Variants in IGF2BP3 observed in about 807,000 individuals in gnomAD.
IGF2BP3 encodes the protein insulin-like growth factor 2 mRNA-binding protein 3.
A neutral mutation model predicts 73.8 loss-of-function variants in IGF2BP3; 9 were observed. The ratio of observed to expected loss-of-function variants is 0.12; its 90% CI spans 0.07 to 0.21. IGF2BP3 has a LOEUF of 0.21. IGF2BP3 is among the 10% of genes least tolerant of loss of function. The pLI is 1.00. For synonymous variants in IGF2BP3, 258 were observed against 256.7 expected (o/e 1.01, Z -0.05); for missense variants, 542 against 714.0 (o/e 0.76, Z 2.75).
chr7:23,422,521 C>T (rs1038736022), intron 2 of IGF2BP3, among the ~76,000 whole-genome samples: 2 of 152,270 alleles, frequency 1.3e-5, no homozygotes, highest in East Asian at 1.9e-4. Flanking sequence ...TGCCACTGTA[C>T]TCCAGCCTGG....
At chr7:23,381,575 T>C (rs1583965758) in intron 3 of IGF2BP3, among the ~76,000 whole-genome samples, 1 of 152,118 alleles carries the variant, frequency 6.6e-6, no homozygotes, top group South Asian at 2.1e-4. Context: ...AGTTAAATTT[T>C]AATTTTTTTT....
At chr7:23,427,169 G>C (rs192756845) in intron 2 of IGF2BP3, among the ~76,000 whole-genome samples, 112 of 152,262 alleles carry the variant, frequency 7.4e-4, no homozygotes, top group African/African-American at 2.6e-3. Context: ...TAGAGTACAG[G>C]AGCAGCCCAG....
At chr7:23,369,614 T>C (rs1785485887) in intron 3 of IGF2BP3, among the ~76,000 whole-genome samples, 1 of 152,058 alleles carries the variant, frequency 6.6e-6, no homozygotes, top group African/African-American at 2.4e-5. Flanking sequence ...TGATTCACTT[T>C]GACATTATGT....
intron 3 of IGF2BP3, among the ~76,000 whole-genome samples, chr7:23,386,395 C>T (rs957716235): frequency 6.6e-6 from 1 of 152,062 alleles, no homozygotes; most frequent in Non-Finnish European, 1.5e-5. Flanking sequence ...CCAGAAAGTA[C>T]GTACTCAAAA....
At chr7:23,329,812 C>G (rs1433773750) in intron 10 of IGF2BP3, among the ~76,000 whole-genome samples, 1 of 152,180 alleles carries the variant, frequency 6.6e-6, no homozygotes, top group East Asian at 1.9e-4. Context: ...GATCCAATTT[C>G]TAGAAACTAA....
intron 2 of IGF2BP3, among the ~76,000 whole-genome samples, chr7:23,424,451 C>T (rs1015951384): frequency 2.6e-5 from 4 of 151,326 alleles, no homozygotes; most frequent in South Asian, 2.1e-4. Flanking sequence ...GAGCCGAGAT[C>T]GCACCACTGC....
chr7:23,312,608 C>T lies in IGF2BP3; in HGVS notation c.1641+127G>A, dbSNP rs1392919141. ...TTTGCTAGTAGTCTCTGAAATCACC[C>T]GCTAAAAGGGAGATGAAAAGTCTTA... On this transcript the variant is annotated intron_variant, in intron 14 of 14. Transcript: ENST00000258729. The T allele has an allele frequency of 3.6e-5, 32 of 884,546 alleles. No homozygotes were observed. In the East Asian group the frequency reaches 6.1e-4, roughly 17 times the overall value. The allele number at this position is 884,546 out of a possible 1,614,324, so 54.8% of individuals were successfully genotyped here. A position where few individuals can be genotyped will look rare whatever the true frequency, so the allele number is the denominator to read the frequency against.
intron 2 of IGF2BP3, among the ~76,000 whole-genome samples, chr7:23,455,396 C>G (rs1206209023): frequency 6.6e-6 from 1 of 152,186 alleles, no homozygotes; most frequent in Non-Finnish European, 1.5e-5. Flanking sequence ...CCTGGGTGCA[C>G]ACGGTTATTA....
intron 3 of IGF2BP3, among the ~76,000 whole-genome samples, chr7:23,367,078 A>G (rs1242257566): frequency 6.6e-6 from 1 of 150,534 alleles, no homozygotes; most frequent in Non-Finnish European, 1.5e-5. Flanking sequence ...TCCCAGGCTC[A>G]AGCCATTCTT....
intron 3 of IGF2BP3, among the ~76,000 whole-genome samples, chr7:23,412,096 C>T (rs1438931755): frequency 1.3e-5 from 2 of 149,938 alleles, no homozygotes; most frequent in Non-Finnish European, 2.9e-5. Context: ...AATTTTTGTG[C>T]CTCAGCCTCC....
chr7:23,425,204 T>C (rs759241939), intron 2 of IGF2BP3, among the ~76,000 whole-genome samples: 1 of 152,250 alleles, frequency 6.6e-6, no homozygotes, highest in Non-Finnish European at 1.5e-5. Flanking sequence ...ACAGTTGATA[T>C]GCTGATATAT....
intron 10 of IGF2BP3, among the ~76,000 whole-genome samples, chr7:23,333,349 C>T (rs1311013028): frequency 6.6e-6 from 1 of 152,174 alleles, no homozygotes; most frequent in African/African-American, 2.4e-5. Flanking sequence ...CCCCAGAGAA[C>T]ACTAATGTAG....
intron 12 of IGF2BP3, among the ~76,000 whole-genome samples, chr7:23,315,661 G>T (rs765064963): frequency 6.6e-6 from 1 of 152,222 alleles, no homozygotes; most frequent in Admixed American, 6.5e-5. Context: ...ATATTCCAAT[G>T]ATCCTTAATG....
At chr7:23,416,457 T>C (rs773938757) in intron 3 of IGF2BP3, among the ~76,000 whole-genome samples, 3 of 152,230 alleles carry the variant, frequency 2.0e-5, no homozygotes, top group African/African-American at 7.2e-5. Flanking sequence ...AGTTGTTTCT[T>C]TGATGCATCA....
intron 2 of IGF2BP3, among the ~76,000 whole-genome samples, chr7:23,445,781 G>A (rs759388230): frequency 2.0e-5 from 3 of 152,156 alleles, no homozygotes; most frequent in Admixed American, 2.0e-4. Flanking sequence ...ATTACCATAA[G>A]TGACATACAC....
intron 12 of IGF2BP3, among the ~76,000 whole-genome samples, chr7:23,314,108 C>G (rs1783908525): frequency 6.6e-6 from 1 of 152,104 alleles, no homozygotes; most frequent in Non-Finnish European, 1.5e-5. Context: ...CAGCTTCAAC[C>G]TCCTGGGCTC....
chr7:23,371,485 T>C (rs142233311), intron 3 of IGF2BP3, among the ~76,000 whole-genome samples: 189 of 152,322 alleles, frequency 1.2e-3, no homozygotes, highest in African/African-American at 4.2e-3. Flanking sequence ...CATTTCCAGT[T>C]AAATATTGAT....
intron 2 of IGF2BP3, among the ~76,000 whole-genome samples, chr7:23,426,811 A>G (rs1264205375): frequency 6.6e-6 from 1 of 152,196 alleles, no homozygotes; most frequent in African/African-American, 2.4e-5. Context: ...GGCAGCTACT[A>G]GTGATCACTG....
chr7:23,387,180 G>A (rs2055246165), intron 3 of IGF2BP3, among the ~76,000 whole-genome samples: 1 of 152,140 alleles, frequency 6.6e-6, no homozygotes, highest in South Asian at 2.1e-4. Context: ...TTGATATAAT[G>A]AGAATGACAT....
Sources: gnomAD v4.1 joint callset for allele counts (sites outside exome capture counted in the v4.1 genomes callset) on GRCh38, gnomAD v4.1.1 for gene constraint, MANE v1.5 for transcripts, NCBI Gene and HGNC (gene_info 2026-07-23, HGNC 2026-07-21) for gene names.